Variants in DRC11 observed in about 807,000 individuals in gnomAD.
The protein encoded by DRC11 is dynein regulatory complex subunit 11.
At chr2:236,329,169 A>G in the DRC11 span, among the ~76,000 whole-genome samples, 2 of 152,124 alleles carry the variant, frequency 1.3e-5, no homozygotes, top group African/African-American at 4.8e-5. Context: ...TCATGATTAC[A>G]TTGGACTCAC....
the DRC11 span, chr2:236,412,690 A>ATCTCTTGCATCCTTCGAGATG: frequency 2.6e-5 from 4 of 152,204 alleles, no homozygotes; most frequent in Admixed American, 6.5e-5. Flanking sequence ...CCTTTGTGGT[A>ATCTCTTGCATCCTTCGAGATG]TCTCTTGCAT....
At chr2:236,337,545 C>T in the DRC11 span, among the ~76,000 whole-genome samples, 14 of 152,298 alleles carry the variant, frequency 9.2e-5, no homozygotes, top group African/African-American at 3.4e-4. This position sits in a 1 kb window ranked among gnomAD's most constrained non-coding sequence, Gnocchi z 4.9. Context: ...AGAAGGTGAC[C>T]GACTTGTCAG....
the DRC11 span, among the ~76,000 whole-genome samples, chr2:236,458,246 T>C: frequency 6.6e-6 from 1 of 152,302 alleles, no homozygotes; most frequent in African/African-American, 2.4e-5. Flanking sequence ...GTTCCTTAAA[T>C]TGCAATATTT....
At chr2:236,339,727 T>C in the DRC11 span, among the ~76,000 whole-genome samples, 30,412 of 152,252 alleles carry the variant, frequency 0.2, 3,308 homozygotes, top group African/African-American at 0.24. Context: ...TAAGGCTTTA[T>C]TACTGGATTC....
the DRC11 span, among the ~76,000 whole-genome samples, chr2:236,360,722 G>A: frequency 1.3e-5 from 2 of 152,240 alleles, no homozygotes; most frequent in East Asian, 3.9e-4. The surrounding 1 kb of genome is among the most constrained non-coding windows in gnomAD (Gnocchi z 5.8). Flanking sequence ...AACAGAGAAC[G>A]CAGCACATTC....
chr2:236,493,943 C>G, the DRC11 span: 1 of 1,469,350 alleles, frequency 6.8e-7, no homozygotes, highest in African/African-American at 1.4e-5. Flanking sequence ...AGGACTAGAA[C>G]TTTATTTAAA....
the DRC11 span, among the ~76,000 whole-genome samples, chr2:236,378,291 C>G: frequency 6.6e-6 from 1 of 152,080 alleles, no homozygotes; most frequent in African/African-American, 2.4e-5. Flanking sequence ...AGTGTTTTAA[C>G]TTGAATACTT....
the DRC11 span, among the ~76,000 whole-genome samples, chr2:236,475,061 A>C: frequency 3.3e-5 from 5 of 152,120 alleles, no homozygotes; most frequent in Non-Finnish European, 7.4e-5. This position sits in a 1 kb window ranked among gnomAD's most constrained non-coding sequence, Gnocchi z 4.8. Context: ...ACTATTAAAC[A>C]CTAGATCTTA....
chr2:236,400,686 C>T, the DRC11 span, among the ~76,000 whole-genome samples: 1 of 152,168 alleles, frequency 6.6e-6, no homozygotes, highest in Non-Finnish European at 1.5e-5. This position sits in a 1 kb window ranked among gnomAD's most constrained non-coding sequence, Gnocchi z 7.9. Context: ...GGGCGTGCCT[C>T]CCCTGGGCTG....
chr2:236,401,235 C>T, the DRC11 span, among the ~76,000 whole-genome samples: 1 of 152,260 alleles, frequency 6.6e-6, no homozygotes, highest in East Asian at 1.9e-4. The surrounding 1 kb of genome is among the most constrained non-coding windows in gnomAD (Gnocchi z 4.6). Context: ...CTGACAAGGC[C>T]ACCCTCCCTG....
chr2:236,323,202 T>A, the DRC11 span, among the ~76,000 whole-genome samples: 12 of 152,224 alleles, frequency 7.9e-5, no homozygotes, highest in Non-Finnish European at 1.3e-4. This position sits in a 1 kb window ranked among gnomAD's most constrained non-coding sequence, Gnocchi z 6.4. Flanking sequence ...TCTTGGGCCA[T>A]AAGTGGGGTC....
At chr2:236,395,649 T>C in the DRC11 span, among the ~76,000 whole-genome samples, 2 of 152,166 alleles carry the variant, frequency 1.3e-5, no homozygotes, top group Admixed American at 6.6e-5. Context: ...TGATAAAACA[T>C]AGGAAAAGGA....
the DRC11 span, among the ~76,000 whole-genome samples, chr2:236,322,676 A>T: frequency 1.3e-5 from 2 of 152,224 alleles, no homozygotes; most frequent in Non-Finnish European, 2.9e-5. Flanking sequence ...TTAGTGTGCT[A>T]GGAAAAAGGG....
At chr2:236,379,216 C>G in the DRC11 span, among the ~76,000 whole-genome samples, 1 of 152,182 alleles carries the variant, frequency 6.6e-6, no homozygotes, top group Non-Finnish European at 1.5e-5. Context: ...GAAGCAGGAA[C>G]CCCCAAACAG....
At chr2:236,434,768 C>T in the DRC11 span, among the ~76,000 whole-genome samples, 96 of 152,290 alleles carry the variant, frequency 6.3e-4, 1 homozygote, top group East Asian at 0.016. The surrounding 1 kb of genome is among the most constrained non-coding windows in gnomAD (Gnocchi z 5.5). Context: ...TTTAGATGTT[C>T]TACCAACATT....
At chr2:236,353,227 T>A in the DRC11 span, among the ~76,000 whole-genome samples, 1 of 152,212 alleles carries the variant, frequency 6.6e-6, no homozygotes, top group East Asian at 1.9e-4. This position sits in a 1 kb window ranked among gnomAD's most constrained non-coding sequence, Gnocchi z 5.0. Flanking sequence ...GTAGTTCACG[T>A]CACCTGCCAG....
chr2:236,362,073 C>T, the DRC11 span, among the ~76,000 whole-genome samples: 213 of 152,210 alleles, frequency 1.4e-3, 1 homozygote, highest in African/African-American at 4.9e-3. This position sits in a 1 kb window ranked among gnomAD's most constrained non-coding sequence, Gnocchi z 5.7. Flanking sequence ...CAATCCTAAA[C>T]GTGGATGTAT....
the DRC11 span, among the ~76,000 whole-genome samples, chr2:236,439,334 G>A: frequency 6.6e-6 from 1 of 151,962 alleles, no homozygotes; most frequent in Non-Finnish European, 1.5e-5. Flanking sequence ...GACTATTATA[G>A]TTTTTTAAAA....
chr2:236,465,804 A>G, the DRC11 span: 2 of 785,032 alleles, frequency 2.5e-6, no homozygotes, highest in Non-Finnish European at 4.3e-6. This position sits in a 1 kb window ranked among gnomAD's most constrained non-coding sequence, Gnocchi z 6.2. Flanking sequence ...AATATCTTCC[A>G]TAGTGTCTAG....
Sources: allele counts gnomAD v4.1 joint callset (sites outside exome capture counted in the v4.1 genomes callset), GRCh38; gene constraint gnomAD v4.1.1; non-coding constraint Gnocchi (gnomAD v3.1); transcripts MANE v1.5; gene names NCBI Gene and HGNC (gene_info 2026-07-23, HGNC 2026-07-21).